Variants in MET observed in about 807,000 individuals in gnomAD.
MET encodes the protein MET proto-oncogene, receptor tyrosine kinase.
Under a neutral mutation model 133.1 loss-of-function variants are expected in MET, and 48 were observed. The ratio of observed to expected loss-of-function variants is 0.36; its 90% CI spans 0.29 to 0.46. The LOEUF (loss-of-function observed/expected upper bound fraction) is 0.46. MET is among the 20% of genes least tolerant of loss of function. MET has a pLI of 1.00. For missense variants in MET, 1,442 were observed against 1,695.9 expected (o/e 0.85, Z 2.63); for synonymous variants, 628 against 616.5 (o/e 1.02, Z -0.28).
At chr7:116,721,594 A>T (rs373195532) in intron 2 of MET, among the ~76,000 whole-genome samples, 1 of 151,282 alleles carries the variant, frequency 6.6e-6, no homozygotes, top group Non-Finnish European at 1.5e-5. Context: ...CAATTTTGGA[A>T]CTTTCCTGCT....
chr7:116,757,812 G>A (rs2116925941), intron 8 of MET, 38 bp downstream of exon 8: 1 of 1,596,100 alleles, frequency 6.3e-7, no homozygotes, highest in Non-Finnish European at 8.6e-7. Flanking sequence ...CTGTCAATTT[G>A]AATTAATATC....
At chr7:116,705,799 A>C (rs1210778783) in intron 2 of MET, among the ~76,000 whole-genome samples, 1 of 152,088 alleles carries the variant, frequency 6.6e-6, no homozygotes, top group Non-Finnish European at 1.5e-5. Context: ...CTGCTTCCTA[A>C]CTTCTTTATT....
intron 19 of MET, among the ~76,000 whole-genome samples, chr7:116,793,253 C>A (rs2117098842): frequency 6.6e-6 from 1 of 151,898 alleles, no homozygotes; most frequent in South Asian, 2.1e-4. Context: ...CAGCTCACTG[C>A]AACTTCCACC....
intron 2 of MET, among the ~76,000 whole-genome samples, chr7:116,706,218 C>G (rs76037678): frequency 6.6e-6 from 1 of 151,878 alleles, no homozygotes; most frequent in Admixed American, 6.6e-5. Flanking sequence ...TTAACTATGC[C>G]GCATGCATTT....
Position 116,740,855 on chromosome 7 carries a change from A to G in MET, c.1531A>G (p.Thr511Ala), listed in dbSNP as rs1181927481. 6.2e-7 allele frequency: 1 copy of G among 1,614,030 alleles called. No homozygotes were observed. Among genetic ancestry groups the G allele is most frequent in the Admixed American group, 1.7e-5 (1 of 60,016 alleles). ...TTTCCACCCCTTCTCTTCACAGATC[A>G]CGAAGATCCCATTGAATGGCTTGGG... ...YTLVITGKKI[T>A]KIPLNGLGCR... is the part of the protein sequence containing the mutation. The change falls in exon 5 of 21, where the codon ACG becomes GCG. Residue 511 changes from threonine (T) to alanine (A), a missense_variant. By Grantham distance (58) the Thr-to-Ala change is moderately conservative. This residue lies in a region of MET where 762 missense variants were observed against 792.4 expected (regional missense o/e 0.96). Transcript: ENST00000397752.
In MET at chr7:116,740,963, C is replaced by G. The variant is rs1047795344; in HGVS notation, c.1639C>G (p.Arg547Gly). The G allele has an allele frequency of 6.2e-7, 1 of 1,613,908 alleles. No homozygotes were observed. The highest frequency in any genetic ancestry group is 1.3e-5 in the African/African-American group (1 of 74,956). The change falls in exon 5 of 21, where the codon CGA becomes GGA. Residue 547 changes from arginine (R) to glycine (G), a missense_variant. Coordinates refer to ENST00000397752, the MANE Select transcript of MET (RefSeq NM_000245.4). The stretch of plus-strand genomic sequence containing the variant: ...TGGCTGGTGCCACGACAAATGTGTG[C>G]GATCGGAGGAATGCCTGAGCGGGAC... ...QCGWCHDKCVRSEECLSGTWT... is the reference protein window; with the variant it reads ...QCGWCHDKCVGSEECLSGTWT...
At chr7:116,677,625 C>A (rs528470644) in intron 1 of MET, among the ~76,000 whole-genome samples, 19 of 152,256 alleles carry the variant, frequency 1.2e-4, no homozygotes, top group Non-Finnish European at 2.6e-4. Flanking sequence ...CCAGATTGGG[C>A]TCCTGATGGT....
intron 19 of MET, 22 bp from the exon 20 acceptor site, chr7:116,795,633 G>A (rs371656811): frequency 1.2e-6 from 2 of 1,613,148 alleles, no homozygotes; most frequent in African/African-American, 1.3e-5. Context: ...CACCTCATCT[G>A]TCCTGTTTCT....
chr7:116,737,913 A>G (rs1489221263), intron 3 of MET, among the ~76,000 whole-genome samples: 2 of 152,210 alleles, frequency 1.3e-5, no homozygotes, highest in African/African-American at 4.8e-5. Context: ...GGGAAATGGT[A>G]TTAAAAAGAG....
intron 11 of MET, among the ~76,000 whole-genome samples, chr7:116,767,222 C>T (rs117181391): frequency 0.018 from 2,761 of 152,238 alleles, 46 homozygotes; most frequent in Middle Eastern, 0.044. Flanking sequence ...CCCATCTGCT[C>T]GGTTCTGTAA....
chr7:116,684,160 T>C (rs1274123833), intron 1 of MET, among the ~76,000 whole-genome samples: 2 of 152,244 alleles, frequency 1.3e-5, no homozygotes, highest in African/African-American at 4.8e-5. Flanking sequence ...GATACCCAGA[T>C]AGACAATTTT....
rs748508881 is a variant in MET at position 116,731,745 on chromosome 7, C to T, written c.1278C>T (p.Arg426=). 56 of 1,613,968 alleles carry T rather than the reference C, an allele frequency of 3.5e-5. No individual in the cohort carries two copies. The highest frequency in any genetic ancestry group is 1.6e-4 in the Middle Eastern group (1 of 6,084). The change falls in exon 3 of 21, where the codon CGC becomes CGT. Residue 426 remains arginine, a synonymous_variant. Coordinates refer to ENST00000397752, the MANE Select transcript of MET (RefSeq NM_000245.4). The stretch of plus-strand genomic sequence containing the variant: ...CAGAGTTTACCACAGCTTTGCAGCG[C>T]GTTGACTTATTCATGGGTCAATTCA... ...YRTEFTTALQ[R]VDLFMGQFSE...
chr7:116,696,740 A>G (rs999693978), intron 1 of MET, among the ~76,000 whole-genome samples: 1 of 152,198 alleles, frequency 6.6e-6, no homozygotes, highest in Non-Finnish European at 1.5e-5. Context: ...TGTGCAGATA[A>G]TGTGCAAAGT....
intron 10 of MET, chr7:116,759,744 G>A: frequency 2.1e-6 from 1 of 477,564 alleles, no homozygotes; most frequent in Non-Finnish European, 3.9e-6. Flanking sequence ...TTACCAATTT[G>A]AGACAGTGTT....
chr7:116,787,357 T>C (rs1584969557), intron 19 of MET, among the ~76,000 whole-genome samples: 1 of 152,330 alleles, frequency 6.6e-6, no homozygotes, highest in East Asian at 1.9e-4. Context: ...AAGACTGTCT[T>C]AGTCGTTTTG....
chr7:116,757,965 CT>C, intron 8 of MET, 191 bp downstream of exon 8: 1 of 655,182 alleles, frequency 1.5e-6, no homozygotes. Flanking sequence ...CTTCCTTTCT[CT>C]TGTTTTTTAG....
intron 11 of MET, among the ~76,000 whole-genome samples, chr7:116,765,028 G>A (rs937750774): frequency 1.3e-5 from 2 of 152,068 alleles, no homozygotes; most frequent in African/African-American, 4.8e-5. Context: ...AGCCAGGCAC[G>A]GTAGCTCATA....
intron 1 of MET, among the ~76,000 whole-genome samples, chr7:116,692,829 T>G (rs1796821058): frequency 6.6e-6 from 1 of 152,256 alleles, no homozygotes; most frequent in Non-Finnish European, 1.5e-5. Flanking sequence ...TCACCTGATA[T>G]GTGCACAACA....
At chr7:116,725,298 C>T (rs961608317) in intron 2 of MET, among the ~76,000 whole-genome samples, 14 of 152,130 alleles carry the variant, frequency 9.2e-5, no homozygotes, top group Admixed American at 7.9e-4. Flanking sequence ...ATCTACTCTG[C>T]AAATGTTATG....
Sources: gnomAD v4.1 joint callset for allele counts (sites outside exome capture counted in the v4.1 genomes callset) on GRCh38, gnomAD v4.1.1 for gene constraint, gnomAD v4.1.1 regional missense constraint, MANE v1.5 for transcripts, NCBI Gene and HGNC (gene_info 2026-07-23, HGNC 2026-07-21) for gene names.